Variants in EPM2A observed in about 807,000 individuals in gnomAD.
The protein encoded by EPM2A is EPM2A glucan phosphatase, laforin.
A neutral mutation model predicts 26.5 loss-of-function variants in EPM2A; 21 were observed. That is an observed-to-expected ratio of 0.79 (90% CI 0.56 to 1.14). The LOEUF (loss-of-function observed/expected upper bound fraction) is 1.14. EPM2A is among the 50% of genes most tolerant of loss of function. EPM2A has a pLI of 0.00. For missense variants in EPM2A, 458 were observed against 440.8 expected (o/e 1.04, Z -0.35); for synonymous variants, 217 against 177.6 (o/e 1.22, Z -1.76).
At chr6:145,428,338 A>G (rs929415673) in intron 4 of EPM2A, among the ~76,000 whole-genome samples, 2 of 152,046 alleles carry the variant, frequency 1.3e-5, no homozygotes, top group Non-Finnish European at 2.9e-5. Context: ...CTCTGCCTTC[A>G]TATGCTCTGA....
intron 4 of EPM2A, among the ~76,000 whole-genome samples, chr6:145,465,101 T>C (rs1240706285): frequency 6.6e-6 from 1 of 152,042 alleles, no homozygotes; most frequent in Non-Finnish European, 1.5e-5. Context: ...CCCCGTCACT[T>C]TCAGGTACAC....
At position 145,579,025 on chromosome 6, in the gene EPM2A, T is replaced by C. The variant is rs1430437941; in HGVS notation, c.340+56220A>G. Among the ~76,000 whole-genome samples, 3 of 152,012 alleles carry C rather than the reference T, an allele frequency of 2.0e-5. No individual in the cohort carries two copies. The South Asian group carries it at 6.2e-4, about 32-fold the overall frequency. The stretch of plus-strand genomic sequence containing the variant: ...GTGGGGTGGGGGGAATGGGGAGGGA[T>C]AGCATTAGGAGATATACCTAATGTT... On this transcript the variant is annotated intron_variant, in intron 2 of 3. Coordinates refer to the EPM2A transcript ENST00000450221.
At chr6:145,698,279 A>T (rs1448657326) in intron 1 of EPM2A, among the ~76,000 whole-genome samples, 1 of 152,220 alleles carries the variant, frequency 6.6e-6, no homozygotes, top group Non-Finnish European at 1.5e-5. Context: ...GAAAATAGAC[A>T]AATGTCCTTG....
intron 1 of EPM2A, among the ~76,000 whole-genome samples, chr6:145,697,352 A>G (rs1003055265): frequency 2.0e-5 from 3 of 152,164 alleles, no homozygotes; most frequent in African/African-American, 7.2e-5. Context: ...CATGGTAATA[A>G]GATATCACAA....
intron 2 of EPM2A, among the ~76,000 whole-genome samples, chr6:145,680,344 T>TC (rs1037113945): frequency 6.0e-5 from 9 of 150,580 alleles, no homozygotes; most frequent in African/African-American, 2.2e-4. Context: ...AATTTCTTTT[T>TC]TTTTTCTGCG....
chr6:145,693,528 TG>T (rs1781399658), intron 1 of EPM2A, among the ~76,000 whole-genome samples: 1 of 151,718 alleles, frequency 6.6e-6, no homozygotes, highest in South Asian at 2.1e-4. Flanking sequence ...CTTCAAAATG[TG>T]GGGAGGTAGG....
At chr6:145,455,701 T>C (rs946222218) in intron 4 of EPM2A, among the ~76,000 whole-genome samples, 3 of 152,226 alleles carry the variant, frequency 2.0e-5, no homozygotes, top group Non-Finnish European at 2.9e-5. Context: ...TATTTTACAG[T>C]ACTTGTTTCT....
chr6:145,627,393 G>A lies in EPM2A; in HGVS notation c.*23C>T, dbSNP rs750355714. ...CCCAGGCTCCTTAGGGAAATCAGGA[G>A]GGGGCAGAAGCAGGCTGACCAGCTA... On this transcript the variant is annotated 3_prime_UTR_variant, in exon 4 of 4. Transcript: ENST00000367519. 3.1e-6 allele frequency: 5 copies of A among 1,613,564 alleles called. No homozygotes were observed. In the African/African-American group the frequency reaches 4.0e-5, roughly 13 times the overall value.
intron 2 of EPM2A, among the ~76,000 whole-genome samples, chr6:145,619,947 G>T (rs1357949218): frequency 2.0e-5 from 3 of 152,094 alleles, no homozygotes; most frequent in African/African-American, 4.8e-5. Context: ...AATGCAAACA[G>T]GTCTAAATAT....
At chr6:145,579,876 A>ATT (rs1781089254) in intron 2 of EPM2A, among the ~76,000 whole-genome samples, 1 of 152,080 alleles carries the variant, frequency 6.6e-6, no homozygotes, top group African/African-American at 2.4e-5. Flanking sequence ...TGGTTGCTAT[A>ATT]GGTTTATATT....
chr6:145,707,192 C>T lies in EPM2A; in HGVS notation c.302-20896G>A, dbSNP rs75448805. 7.9e-3 allele frequency among the ~76,000 whole-genome samples: 1,200 copies of T among 152,280 alleles called. 12 individuals carry two copies. The highest frequency in any genetic ancestry group is 0.027 in the African/African-American group (1,125 of 41,550). On this transcript the variant is annotated intron_variant, in intron 1 of 3. Transcript: ENST00000367519. ...GCCTGAAAAGGCTAAGACACTACTTCTGATTGGTTTCCATATTATTACACC... is the reference window on the plus strand; with the variant it reads ...GCCTGAAAAGGCTAAGACACTACTTTTGATTGGTTTCCATATTATTACACC...
chr6:145,683,366 ATTATT>A, intron 2 of EPM2A, among the ~76,000 whole-genome samples: 1 of 146,182 alleles, frequency 6.8e-6, no homozygotes, highest in African/African-American at 2.5e-5. Flanking sequence ...TATATTATTT[ATTATT>A]TTAATATATA....
intron 4 of EPM2A, among the ~76,000 whole-genome samples, chr6:145,407,232 T>C (rs1778581258): frequency 6.6e-6 from 1 of 152,120 alleles, no homozygotes; most frequent in Non-Finnish European, 1.5e-5. Flanking sequence ...GGCCATGATA[T>C]ATGTTGGGAC....
At chr6:145,735,973 C>T (rs1776855891), upstream of EPM2A, 1 of 151,944 alleles carries the variant, frequency 6.6e-6, no homozygotes, top group Non-Finnish European at 1.5e-5. Context: ...TGGAGCGCTC[C>T]CTATCTTAAC....
At chr6:145,387,755 T>C (rs1778282516) in intron 4 of EPM2A, among the ~76,000 whole-genome samples, 1 of 151,520 alleles carries the variant, frequency 6.6e-6, no homozygotes, top group Admixed American at 6.6e-5. Flanking sequence ...CCAAAATAAG[T>C]TTAAGAAAAT....
At chr6:145,567,815 C>T (rs141687063) in intron 2 of EPM2A, among the ~76,000 whole-genome samples, 1 of 152,326 alleles carries the variant, frequency 6.6e-6, no homozygotes, top group African/African-American at 2.4e-5. Context: ...AGAGCCCAGC[C>T]ATCACTCTCT....
At position 145,554,460 on chromosome 6, in the gene EPM2A, AT is replaced by A. The variant is rs1340696266; in HGVS notation, c.341-51886del. ...GATAGATAGATAGATAGATAGATAG[AT>A]AGATAGATACATAGACAGAGAGACA... is the stretch of plus-strand genomic sequence containing the variant. On this transcript the variant is annotated intron_variant, in intron 2 of 3. Transcript: ENST00000450221. Among the ~76,000 whole-genome samples, 4 of 145,654 alleles carry A rather than the reference AT, an allele frequency of 2.7e-5. No homozygotes were observed. In the East Asian group the frequency reaches 7.9e-4, roughly 29 times the overall value.
chr6:145,575,113 G>GTTGTGT (rs1358170359), intron 2 of EPM2A, among the ~76,000 whole-genome samples: 14 of 152,140 alleles, frequency 9.2e-5, no homozygotes, highest in Admixed American at 3.3e-4. Flanking sequence ...CCTCAGGGGA[G>GTTGTGT]GCCACCACTG....
rs1354037198 is a variant in EPM2A at position 145,579,019 on chromosome 6, G to A, written c.340+56226C>T. 2.0e-5 allele frequency among the ~76,000 whole-genome samples: 3 copies of A among 152,122 alleles called. No individual in the cohort carries two copies. In the Middle Eastern group the frequency reaches 0.01, roughly 517 times the overall value. ...CCTGTGGTGGGGTGGGGGGAATGGG[G>A]AGGGATAGCATTAGGAGATATACCT... is the stretch of plus-strand genomic sequence containing the variant. On this transcript the variant is annotated intron_variant, in intron 2 of 3. Coordinates refer to the EPM2A transcript ENST00000450221.
Sources: gnomAD v4.1 joint callset for allele counts (sites outside exome capture counted in the v4.1 genomes callset) on GRCh38, gnomAD v4.1.1 for gene constraint, MANE v1.5 for transcripts, NCBI Gene and HGNC (gene_info 2026-07-23, HGNC 2026-07-21) for gene names.